Variants in MGLL observed in about 807,000 individuals in gnomAD.
MGLL encodes the protein monoglyceride lipase.
MGLL carries 7 observed loss-of-function variants against 29.1 expected under a neutral mutation model. That is an observed-to-expected ratio of 0.24 (90% CI 0.14 to 0.45). The LOEUF (loss-of-function observed/expected upper bound fraction) is 0.45, where lower values mean the gene tolerates loss of function less well. MGLL is among the 20% of genes least tolerant of loss of function. The probability of loss-of-function intolerance (pLI) is 0.99; values close to 1 mark genes in which losing one functional copy is unlikely to be tolerated. For missense variants in MGLL, 356 were observed against 413.6 expected (o/e 0.86, Z 1.21); for synonymous variants, 148 against 168.3 (o/e 0.88, Z 0.93).
intron 3 of MGLL, among the ~76,000 whole-genome samples, chr3:127,755,461 T>C (rs2076646438): frequency 6.6e-6 from 1 of 152,134 alleles, no homozygotes; most frequent in Non-Finnish European, 1.5e-5. Flanking sequence ...ATGCCAGTTG[T>C]AGGTCAATGG....
intron 3 of MGLL, among the ~76,000 whole-genome samples, chr3:127,744,123 AT>A (rs35466537): frequency 5.3e-5 from 8 of 151,968 alleles, no homozygotes; most frequent in South Asian, 2.1e-4. Flanking sequence ...TCGACTCAGA[AT>A]TTTTTTTTAA....
intron 3 of MGLL, among the ~76,000 whole-genome samples, chr3:127,734,282 T>A (rs2076204623): frequency 6.6e-6 from 1 of 152,180 alleles, no homozygotes. Context: ...TGGTCCCTCA[T>A]CAGCTCAAAG....
intron 4 of MGLL, among the ~76,000 whole-genome samples, 194 bp from the exon 5 acceptor site, chr3:127,721,357 C>T (rs959924235): frequency 2.0e-5 from 3 of 152,120 alleles, no homozygotes; most frequent in African/African-American, 7.2e-5. Context: ...GTTTTTTTCT[C>T]TGGGTTTTCC....
At chr3:127,735,604 G>T in intron 3 of MGLL, 1 of 1,237,934 alleles carries the variant, frequency 8.1e-7, no homozygotes, top group Non-Finnish European at 1.1e-6. Context: ...AAATAAAAAA[G>T]CAAGAGAATG....
chr3:127,733,240 T>C (rs1180109052), intron 3 of MGLL, among the ~76,000 whole-genome samples: 1 of 152,134 alleles, frequency 6.6e-6, no homozygotes, highest in Non-Finnish European at 1.5e-5. Flanking sequence ...ACAGATGCCA[T>C]GGCAACGTCA....
chr3:127,806,832 GC>G (rs1327193244), intron 2 of MGLL, among the ~76,000 whole-genome samples: 1 of 152,106 alleles, frequency 6.6e-6, no homozygotes, highest in East Asian at 1.9e-4. Flanking sequence ...TTCGAGACCA[GC>G]CTGGCTAACA....
chr3:127,807,530 T>C (rs922065550), intron 2 of MGLL, among the ~76,000 whole-genome samples: 1 of 151,956 alleles, frequency 6.6e-6, no homozygotes, highest in Non-Finnish European at 1.5e-5. Flanking sequence ...CTTGCTCTTC[T>C]TTTTTCAGTG....
At chr3:127,803,914 G>T (rs1007320594) in intron 2 of MGLL, among the ~76,000 whole-genome samples, 5 of 152,156 alleles carry the variant, frequency 3.3e-5, no homozygotes, top group African/African-American at 1.2e-4. Flanking sequence ...GGACGGGGTG[G>T]CTCAGGGCTC....
rs544399046 is a variant in MGLL, at chr3:127,728,316, T to A, written c.263-5750A>T. The stretch of plus-strand genomic sequence containing the variant: ...AGAAAACTACCTGTTTATCCATCCA[T>A]CCATCCATCCATCCATCCATTTATC... On this transcript the variant is annotated intron_variant, in intron 3 of 7. Coordinates refer to ENST00000265052, the MANE Select transcript of MGLL (RefSeq NM_007283.7). Among the ~76,000 whole-genome samples, 17 of 152,274 alleles carry A rather than the reference T, an allele frequency of 1.1e-4. No homozygotes were observed. The East Asian group carries it at 2.9e-3, about 26-fold the overall frequency.
At chr3:127,735,029 C>T (rs932141209) in intron 3 of MGLL, among the ~76,000 whole-genome samples, 7 of 152,312 alleles carry the variant, frequency 4.6e-5, no homozygotes, top group Middle Eastern at 6.8e-3. Flanking sequence ...ACAACAGACC[C>T]GGAGGAGCCC....
chr3:127,806,449 G>T (rs1006063264), intron 2 of MGLL, among the ~76,000 whole-genome samples: 1 of 151,996 alleles, frequency 6.6e-6, no homozygotes, highest in Non-Finnish European at 1.5e-5. Context: ...GAATGGATGG[G>T]TGGAAGGGTG....
chr3:127,763,160 C>T (rs77607337), intron 3 of MGLL, among the ~76,000 whole-genome samples: 21,640 of 152,080 alleles, frequency 0.14, 1,627 homozygotes, highest in East Asian at 0.27. Flanking sequence ...CAGGGTGCAG[C>T]GATGTGGATT....
At chr3:127,787,637 G>A (rs770633569) in intron 2 of MGLL, among the ~76,000 whole-genome samples, 4 of 152,246 alleles carry the variant, frequency 2.6e-5, no homozygotes, top group African/African-American at 4.8e-5. Flanking sequence ...TGGGTGAGGG[G>A]AGCCTCGGGG....
intron 3 of MGLL, among the ~76,000 whole-genome samples, chr3:127,751,199 T>C (rs2076551466): frequency 6.6e-6 from 1 of 152,082 alleles, no homozygotes; most frequent in Non-Finnish European, 1.5e-5. Context: ...CTCTCGGTCA[T>C]TCGGTAGGCT....
chr3:127,699,857 G>C (rs1361576153), intron 6 of MGLL, among the ~76,000 whole-genome samples: 1 of 152,210 alleles, frequency 6.6e-6, no homozygotes, highest in East Asian at 1.9e-4. Flanking sequence ...TTCACAGCCA[G>C]CCAGAGGGGA....
chr3:127,767,236 C>G (rs998617666), intron 3 of MGLL, among the ~76,000 whole-genome samples: 1 of 152,104 alleles, frequency 6.6e-6, no homozygotes, highest in Admixed American at 6.6e-5. Flanking sequence ...TATCTAATCT[C>G]TCAATATTTG....
intron 3 of MGLL, chr3:127,735,967 C>T (rs2076235690): frequency 6.9e-7 from 1 of 1,443,348 alleles, no homozygotes; most frequent in South Asian, 1.5e-5. Flanking sequence ...AGCGTTAAAC[C>T]ATCTTTCGGC....
At chr3:127,747,789 G>A (rs144599230) in intron 3 of MGLL, among the ~76,000 whole-genome samples, 147 of 152,256 alleles carry the variant, frequency 9.7e-4, no homozygotes, top group Middle Eastern at 3.4e-3. Context: ...CCAAGGTGAC[G>A]CCCAGAAACC....
chr3:127,722,916 G>A lies in MGLL; in HGVS notation c.263-350C>T, dbSNP rs1361725785. On this transcript the variant is annotated intron_variant, in intron 3 of 7. Coordinates refer to ENST00000265052, the MANE Select transcript of MGLL (RefSeq NM_007283.7). ...GCCCAGTGTTCTGCAAAGCAGCCGG[G>A]AGTAAGACGAAGAAGGCTCAGAATT... 2.0e-5 allele frequency among the ~76,000 whole-genome samples: 3 copies of A among 152,320 alleles called. No homozygotes were observed. In the South Asian group the frequency reaches 6.2e-4, roughly 32 times the overall value.
Sources: gnomAD v4.1 joint callset for allele counts (sites outside exome capture counted in the v4.1 genomes callset) on GRCh38, gnomAD v4.1.1 for gene constraint, MANE v1.5 for transcripts, NCBI Gene and HGNC (gene_info 2026-07-23, HGNC 2026-07-21) for gene names.